TENM4: variants seen among roughly 807,000 people sequenced by gnomAD.
TENM4 encodes the protein teneurin-4.
In TENM4, 82 loss-of-function variants were observed where a neutral mutation model predicts 243.3. The observed-to-expected ratio is 0.34, with a 90% CI of 0.28 to 0.40. The LOEUF (loss-of-function observed/expected upper bound fraction) is 0.40, where lower values mean the gene tolerates loss of function less well. TENM4 is among the 10% of genes least tolerant of loss of function. The pLI is 1.00. For missense variants in TENM4, 3,138 were observed against 3,673.3 expected, an observed-to-expected ratio of 0.85 and a Z score of 3.77; for synonymous variants, 1,412 against 1,456.3, an observed-to-expected ratio of 0.97 and a Z score of 0.69.
chr11:79,371,726 A>T (rs1336834909), intron 1 of TENM4, among the ~76,000 whole-genome samples: 1 of 152,184 alleles, frequency 6.6e-6, no homozygotes, highest in Non-Finnish European at 1.5e-5. Flanking sequence ...AGGAAATAAG[A>T]TCTGTTGTTA....
intron 6 of TENM4, among the ~76,000 whole-genome samples, chr11:78,989,703 T>C (rs1857994701): frequency 6.6e-6 from 1 of 152,144 alleles, no homozygotes; most frequent in Admixed American, 6.5e-5. Flanking sequence ...GGATGCTCCC[T>C]CTCTTCGGAG....
chr11:79,123,173 T>A (rs1485674118), intron 4 of TENM4, among the ~76,000 whole-genome samples: 1 of 152,160 alleles, frequency 6.6e-6, no homozygotes, highest in Non-Finnish European at 1.5e-5. Context: ...ATGAGGACTG[T>A]CTCATGTATC....
At chr11:78,780,543 C>T (rs1484146269) in intron 16 of TENM4, among the ~76,000 whole-genome samples, 2 of 151,770 alleles carry the variant, frequency 1.3e-5, no homozygotes, top group African/African-American at 4.8e-5. Context: ...TCACTGGGAT[C>T]CAAGTGGTCA....
In TENM4 at chr11:78,669,700, G is replaced by A. The variant is rs756860975; in HGVS notation, c.6645C>T (p.Tyr2215=). The A allele has an allele frequency of 6.2e-7, 1 of 1,614,050 alleles. No individual in the cohort carries two copies. The highest frequency in any genetic ancestry group is 8.5e-7 in the Non-Finnish European group (1 of 1,179,910). ...VSINDKPLWR[Y]SYDLNGNLHL... is the part of the protein sequence containing the mutation. Reference sequence around the variant, plus strand: ...GCAGGTTCCCATTGAGGTCGTAGCTGTAGCGCCAGAGTGGCTTGTCATTGA... The same window carrying A: ...GCAGGTTCCCATTGAGGTCGTAGCTATAGCGCCAGAGTGGCTTGTCATTGA... The change falls in exon 32 of 34, where the codon TAC becomes TAT. Residue 2215 remains tyrosine, a synonymous_variant. Transcript: ENST00000278550. This position sits in a 1 kb window ranked among gnomAD's most constrained non-coding sequence, Gnocchi z 6.4.
In TENM4 at chr11:79,233,463, G is replaced by T. The variant is rs181296573; in HGVS notation, c.-264-17554C>A. 2.0e-3 allele frequency among the ~76,000 whole-genome samples: 300 copies of T among 152,300 alleles called. 7 individuals are homozygous for T. The highest frequency in any genetic ancestry group is 0.02 in the Admixed American group (300 of 15,302). On this transcript the variant is annotated intron_variant, in intron 2 of 33. Coordinates refer to ENST00000278550, the MANE Select transcript of TENM4 (RefSeq NM_001098816.3). ...GAAGAGGCAGGGGGACGGGAAGGAG[G>T]AGGGGACTTGAGTGAGGATGGTAGA...
intron 1 of TENM4, among the ~76,000 whole-genome samples, chr11:79,404,657 T>C (rs1176001773): frequency 4.6e-5 from 7 of 152,186 alleles, no homozygotes; most frequent in African/African-American, 7.2e-5. Context: ...ATAAAAAGAA[T>C]GTTGCGTGTG....
chr11:79,306,379 C>T (rs1381151524), intron 1 of TENM4, among the ~76,000 whole-genome samples: 2 of 152,112 alleles, frequency 1.3e-5, no homozygotes, highest in East Asian at 3.9e-4. Context: ...GCACACTTGC[C>T]TGGGCCTGGA....
At chr11:78,926,677 G>GTTTTT (rs754243078) in intron 6 of TENM4, among the ~76,000 whole-genome samples, 2 of 127,294 alleles carry the variant, frequency 1.6e-5, no homozygotes, top group Non-Finnish European at 1.7e-5. Flanking sequence ...GGTGTTTTTT[G>GTTTTT]TTTTTTTTTT....
At chr11:79,355,965 T>G (rs951176605) in intron 1 of TENM4, among the ~76,000 whole-genome samples, 1 of 152,164 alleles carries the variant, frequency 6.6e-6, no homozygotes, top group African/African-American at 2.4e-5. Context: ...TCCCAGGGGT[T>G]TGAGGGGCCC....
chr11:78,698,070 C>G (rs1859009254), intron 28 of TENM4, among the ~76,000 whole-genome samples: 1 of 152,122 alleles, frequency 6.6e-6, no homozygotes, highest in Non-Finnish European at 1.5e-5. Flanking sequence ...GTTAGGTGTA[C>G]TATTTAATCT....
intron 6 of TENM4, among the ~76,000 whole-genome samples, chr11:78,973,171 A>T (rs1857580159): frequency 6.6e-6 from 1 of 152,176 alleles, no homozygotes; most frequent in Admixed American, 6.5e-5. Context: ...TCTGTGTGAG[A>T]GTATGTTTTT....
chr11:78,868,272 T>G (rs1014796688), intron 9 of TENM4, among the ~76,000 whole-genome samples: 1 of 152,194 alleles, frequency 6.6e-6, no homozygotes, highest in African/African-American at 2.4e-5. Context: ...ATAACTGTTG[T>G]GCAAAACCTT....
At chr11:79,293,567 A>G (rs1590857659) in intron 2 of TENM4, among the ~76,000 whole-genome samples, 1 of 151,968 alleles carries the variant, frequency 6.6e-6, no homozygotes, top group African/African-American at 2.4e-5. Context: ...TGTATGTAAG[A>G]TGTCACCAGA....
intron 6 of TENM4, among the ~76,000 whole-genome samples, chr11:78,912,015 AG>A (rs1450017202): frequency 1.3e-5 from 2 of 152,158 alleles, no homozygotes; most frequent in African/African-American, 4.8e-5. Flanking sequence ...AGAGCACTGA[AG>A]TAGAGGCAGG....
At chr11:79,220,280 A>T (rs1332023468) in intron 2 of TENM4, among the ~76,000 whole-genome samples, 3 of 152,212 alleles carry the variant, frequency 2.0e-5, no homozygotes, top group Non-Finnish European at 4.4e-5. Context: ...CCTCATTCTA[A>T]ACATGGGACA....
At chr11:79,168,847 G>T (rs55839111) in intron 3 of TENM4, among the ~76,000 whole-genome samples, 34,539 of 152,138 alleles carry the variant, frequency 0.23, 4,468 homozygotes, top group Non-Finnish European at 0.29. Context: ...AAGAAACCTT[G>T]CTCATCCCTG....
chr11:79,064,556 G>T, intron 6 of TENM4, 182 bp downstream of exon 6: 1 of 763,484 alleles, frequency 1.3e-6, no homozygotes, highest in Non-Finnish European at 2.1e-6. Context: ...TCTCTGGCAT[G>T]TCACTCATGG....
intron 1 of TENM4, among the ~76,000 whole-genome samples, chr11:79,369,795 C>T (rs1857747108): frequency 6.6e-6 from 1 of 152,312 alleles, no homozygotes; most frequent in East Asian, 1.9e-4. Context: ...TCAAATTCCC[C>T]CAAGATTTCA....
chr11:78,756,860 G>A lies in TENM4; in HGVS notation c.2701C>T (p.Leu901Phe). The A allele has an allele frequency of 6.2e-7, 1 of 1,613,954 alleles. No homozygotes were observed. Among genetic ancestry groups the A allele is most frequent in the Non-Finnish European group, 8.5e-7 (1 of 1,179,888 alleles). The change falls in exon 19 of 34, where the codon CTC (leucine) becomes TTC (phenylalanine). Residue 901 changes from leucine to phenylalanine, a missense_variant. Transcript: ENST00000278550. ...ATGTGCGTGCTGTCCCTGCCCACGA[G>A]GAACTTGATGCGGTCATAGAAGGAG... ...LHSFYDRIKF[L>F]VGRDSTHIIP...
Sources: gnomAD v4.1 joint callset for allele counts (sites outside exome capture counted in the v4.1 genomes callset) on GRCh38, gnomAD v4.1.1 for gene constraint, Gnocchi (gnomAD v3.1) non-coding constraint, MANE v1.5 for transcripts, NCBI Gene and HGNC (gene_info 2026-07-23, HGNC 2026-07-21) for gene names.